LUZP2: variants seen among roughly 807,000 people sequenced by gnomAD.
LUZP2 encodes the protein leucine zipper protein 2.
LUZP2 carries 52 observed loss-of-function variants against 51.6 expected under a neutral mutation model. The ratio of observed to expected loss-of-function variants is 1.01; its 90% CI spans 0.81 to 1.27. The LOEUF (loss-of-function observed/expected upper bound fraction) is 1.27. LUZP2 is among the 50% of genes most tolerant of loss of function. The pLI, the probability that LUZP2 is intolerant of heterozygous loss-of-function variation, is 0.00. For synonymous variants in LUZP2, 154 were observed against 137.3 expected (o/e 1.12, Z -0.85); for missense variants, 436 against 395.4 (o/e 1.10, Z -0.87).
chr11:24,674,635 G>A (rs981940905), intron 1 of LUZP2, among the ~76,000 whole-genome samples: 1 of 151,824 alleles, frequency 6.6e-6, no homozygotes, highest in Non-Finnish European at 1.5e-5. Context: ...ATGCTTATAT[G>A]CAACCTTTGT....
At chr11:25,025,429 T>G (rs972876494) in intron 9 of LUZP2, among the ~76,000 whole-genome samples, 18 of 151,940 alleles carry the variant, frequency 1.2e-4, no homozygotes, top group African/African-American at 4.3e-4. Flanking sequence ...AATCTACAAA[T>G]AATTTAAACA....
intron 9 of LUZP2, among the ~76,000 whole-genome samples, chr11:24,988,714 A>G (rs1856252295): frequency 6.6e-6 from 1 of 152,066 alleles, no homozygotes; most frequent in Non-Finnish European, 1.5e-5. Flanking sequence ...AAACTTGAAT[A>G]TGTTTTTCCT....
intron 1 of LUZP2, among the ~76,000 whole-genome samples, chr11:24,509,402 A>G (rs1171992006): frequency 6.6e-6 from 1 of 151,198 alleles, no homozygotes; most frequent in Admixed American, 6.6e-5. Context: ...ATTTGTATCT[A>G]AAAAAAGTAT....
chr11:25,023,531 C>A (rs979098459), intron 9 of LUZP2, among the ~76,000 whole-genome samples: 2 of 152,032 alleles, frequency 1.3e-5, no homozygotes, highest in African/African-American at 4.8e-5. Context: ...GTTCCTCTCT[C>A]TTTTCTTCTT....
intron 5 of LUZP2, among the ~76,000 whole-genome samples, chr11:24,899,754 C>T (rs1590706775): frequency 6.6e-6 from 1 of 152,126 alleles, no homozygotes; most frequent in Middle Eastern, 3.4e-3. Context: ...AAAGACATAA[C>T]AATTCTTAAA....
At chr11:24,843,009 A>G (rs187225469) in intron 5 of LUZP2, among the ~76,000 whole-genome samples, 95 of 152,066 alleles carry the variant, frequency 6.2e-4, no homozygotes, top group African/African-American at 2.1e-3. Context: ...ACTGAACAAA[A>G]GAAAAACGAC....
rs538300204 is a variant in LUZP2, at chr11:24,539,045, C to G, written c.62+41740C>G. The stretch of plus-strand genomic sequence containing the variant: ...AGTATATGCCGTAGTCTGTTAATGG[C>G]ACTTACCTCAGTATAATATTGGTTT... On this transcript the variant is annotated intron_variant, in intron 1 of 11. Transcript: ENST00000336930. Among the ~76,000 whole-genome samples, 4 of 151,936 alleles carry G rather than the reference C, an allele frequency of 2.6e-5. No individual in the cohort carries two copies. The South Asian group carries it at 8.3e-4, about 31-fold the overall frequency.
intron 5 of LUZP2, among the ~76,000 whole-genome samples, chr11:24,885,780 A>C (rs1852650552): frequency 6.6e-6 from 1 of 152,154 alleles, no homozygotes. Flanking sequence ...CTGAGTGTCT[A>C]TGGGAGATAA....
intron 1 of LUZP2, among the ~76,000 whole-genome samples, chr11:24,719,636 A>G (rs1375462481): frequency 6.6e-6 from 1 of 152,200 alleles, no homozygotes; most frequent in East Asian, 1.9e-4. Flanking sequence ...CCTTATATCC[A>G]TATACACTTA....
At position 25,048,366 on chromosome 11, in the gene LUZP2, A is replaced by G. The variant is rs929429089; in HGVS notation, c.766-1672A>G. Among the ~76,000 whole-genome samples, 16 of 152,060 alleles carry G rather than the reference A, an allele frequency of 1.1e-4. 1 individual carries two copies. The highest frequency in any genetic ancestry group is 5.9e-4 in the Admixed American group (9 of 15,250). On this transcript the variant is annotated intron_variant, in intron 9 of 11. Transcript: ENST00000336930. ...CACTAGAACTTTTCTTATTACCCCA[A>G]ATGGAATTGACCATGATTCTTTTAA...
rs1189875330 is a variant in LUZP2 at position 24,625,807 on chromosome 11, A to G, written c.63-103362A>G. ...ACCCACAAAAGGCATTGATAAAGAA[A>G]TAGAGTAGATTAGCTGAATGGCATG... On this transcript the variant is annotated intron_variant, in intron 1 of 11. Coordinates refer to ENST00000336930, the MANE Select transcript of LUZP2 (RefSeq NM_001009909.4). Among the ~76,000 whole-genome samples the G allele has an allele frequency of 2.0e-5, 3 of 152,156 alleles. No homozygotes were observed. The East Asian group carries it at 5.8e-4, about 29-fold the overall frequency.
intron 9 of LUZP2, among the ~76,000 whole-genome samples, 171 bp downstream of exon 9, chr11:24,983,464 G>A (rs996611417): frequency 6.6e-6 from 1 of 151,794 alleles, no homozygotes; most frequent in African/African-American, 2.4e-5. Flanking sequence ...ATAGTCACTA[G>A]AAGAATGTTG....
Position 24,497,263 on chromosome 11 carries a change from AC to A in LUZP2, c.21del (p.Tyr8ThrfsTer20). 1.3e-6 allele frequency: 2 copies of A among 1,566,046 alleles called. No individual in the cohort carries two copies. The highest frequency in any genetic ancestry group is 1.7e-6 in the Non-Finnish European group (2 of 1,154,448). ...AGCAGCATGAAATTCAGCCCAGCGC[AC>A]TACCTGCTGCCTCTCCTGCCTGCGC... MKFSPA[H>X]YLLPLLPALV... On this transcript the variant is annotated frameshift_variant, in exon 1 of 12. Transcript: ENST00000336930. LOFTEE classifies it high-confidence loss of function.
intron 9 of LUZP2, among the ~76,000 whole-genome samples, chr11:25,017,616 T>C (rs1383237523): frequency 1.3e-5 from 2 of 152,172 alleles, no homozygotes; most frequent in Non-Finnish European, 2.9e-5. Flanking sequence ...CTTTCGTTTA[T>C]GTATCTTTTA....
At chr11:24,853,794 G>A (rs10834505) in intron 5 of LUZP2, among the ~76,000 whole-genome samples, 23,058 of 152,056 alleles carry the variant, frequency 0.15, 1,908 homozygotes, top group African/African-American at 0.2. Flanking sequence ...GGTGACCTAC[G>A]GATGGGGTTT....
chr11:24,679,042 A>G (rs1450685230), intron 1 of LUZP2, among the ~76,000 whole-genome samples: 1 of 152,232 alleles, frequency 6.6e-6, no homozygotes, highest in African/African-American at 2.4e-5. Context: ...TAACATTGTC[A>G]GTAAGCTTAT....
At chr11:24,656,888 T>G (rs1855824326) in intron 1 of LUZP2, among the ~76,000 whole-genome samples, 1 of 152,208 alleles carries the variant, frequency 6.6e-6, no homozygotes, top group Non-Finnish European at 1.5e-5. Context: ...TGAGCTCACC[T>G]GGATAATTCA....
intron 1 of LUZP2, among the ~76,000 whole-genome samples, chr11:24,567,015 T>TATA (rs375286421): frequency 1.4e-4 from 14 of 97,322 alleles, no homozygotes; most frequent in East Asian, 4.6e-4. Flanking sequence ...TATATATATA[T>TATA]TTTTTTTAGT....
chr11:24,537,264 A>C (rs1851205987), intron 1 of LUZP2, among the ~76,000 whole-genome samples: 1 of 151,970 alleles, frequency 6.6e-6, no homozygotes, highest in African/African-American at 2.4e-5. Flanking sequence ...TAGTTGCTAC[A>C]AACTTTCAAT....
Sources: gnomAD v4.1 joint callset for allele counts (sites outside exome capture counted in the v4.1 genomes callset) on GRCh38, gnomAD v4.1.1 for gene constraint, MANE v1.5 for transcripts, NCBI Gene and HGNC (gene_info 2026-07-23, HGNC 2026-07-21) for gene names.